GRM8: variants seen among roughly 807,000 people sequenced by gnomAD.
GRM8 encodes glutamate metabotropic receptor 8.
A neutral mutation model predicts 87.2 loss-of-function variants in GRM8; 47 were observed. The ratio of observed to expected loss-of-function variants is 0.54; its 90% CI spans 0.43 to 0.69. GRM8 has a LOEUF of 0.69. Ranked by LOEUF, GRM8 falls within the 30% of genes least tolerant of loss-of-function variation. The probability of loss-of-function intolerance (pLI) is 0.00; values close to 1 mark genes in which losing one functional copy is unlikely to be tolerated. For missense variants in GRM8, 1,019 were observed against 1,139.2 expected, an observed-to-expected ratio of 0.89 and a Z score of 1.52; for synonymous variants, 396 against 404.5, an observed-to-expected ratio of 0.98 and a Z score of 0.25.
At chr7:127,027,122 T>C (rs1472921936) in intron 3 of GRM8, among the ~76,000 whole-genome samples, 1 of 152,128 alleles carries the variant, frequency 6.6e-6, no homozygotes, top group African/African-American at 2.4e-5. Flanking sequence ...TTTCAACAGG[T>C]TTGTCAAAGA....
At chr7:126,989,308 TTTC>T (rs1388732707) in intron 3 of GRM8, among the ~76,000 whole-genome samples, 1 of 152,226 alleles carries the variant, frequency 6.6e-6, no homozygotes, top group Non-Finnish European at 1.5e-5. Context: ...TTTAAACTTT[TTTC>T]TTATCTTTTA....
At chr7:126,940,122 A>C (rs1033743710) in intron 3 of GRM8, among the ~76,000 whole-genome samples, 9 of 152,318 alleles carry the variant, frequency 5.9e-5, no homozygotes, top group African/African-American at 2.2e-4. Flanking sequence ...AACTGAAGGG[A>C]AAATGAGTCT....
chr7:126,878,638 G>A (rs553145583), intron 6 of GRM8, among the ~76,000 whole-genome samples: 218 of 150,958 alleles, frequency 1.4e-3, no homozygotes, highest in Middle Eastern at 3.4e-3. Context: ...TCCAGCCTCA[G>A]CCTCCCAAAT....
At chr7:126,951,432 G>A (rs1808144988) in intron 3 of GRM8, among the ~76,000 whole-genome samples, 1 of 151,920 alleles carries the variant, frequency 6.6e-6, no homozygotes, top group Non-Finnish European at 1.5e-5. Context: ...ATGCCCCTAA[G>A]CAATCAACAA....
intron 8 of GRM8, among the ~76,000 whole-genome samples, chr7:126,605,154 T>C (rs926278854): frequency 3.3e-5 from 5 of 152,138 alleles, no homozygotes; most frequent in Non-Finnish European, 7.4e-5. Flanking sequence ...GAGCAGCATA[T>C]GGCTGTTCTT....
At chr7:126,498,523 A>G (rs1488285570) in intron 9 of GRM8, among the ~76,000 whole-genome samples, 3 of 151,976 alleles carry the variant, frequency 2.0e-5, no homozygotes, top group Admixed American at 2.0e-4. Context: ...CTGGCATACC[A>G]TCATAGACAA....
intron 3 of GRM8, among the ~76,000 whole-genome samples, chr7:127,073,927 C>T (rs1393502128): frequency 2.0e-5 from 3 of 152,168 alleles, no homozygotes; most frequent in African/African-American, 7.2e-5. Context: ...CTTGAAAATC[C>T]TTCTACAGAC....
intron 6 of GRM8, chr7:126,870,463 T>C (rs1798997533): frequency 6.6e-6 from 1 of 152,224 alleles, no homozygotes; most frequent in Non-Finnish European, 1.5e-5. Flanking sequence ...TTAAGCTTCA[T>C]CTTTTCTGGT....
At chr7:127,153,093 T>C (rs1040097525) in intron 2 of GRM8, among the ~76,000 whole-genome samples, 9 of 152,086 alleles carry the variant, frequency 5.9e-5, no homozygotes, top group Non-Finnish European at 1.0e-4. Context: ...ACATAAATGA[T>C]TACACAACCT....
intron 3 of GRM8, among the ~76,000 whole-genome samples, chr7:127,063,341 C>G (rs763034003): frequency 4.6e-5 from 7 of 152,058 alleles, no homozygotes; most frequent in East Asian, 1.9e-4. Flanking sequence ...TTAGGGAGGC[C>G]AAGGTGGGCA....
intron 7 of GRM8, among the ~76,000 whole-genome samples, chr7:126,643,900 G>A (rs535930819): frequency 3.9e-5 from 6 of 152,372 alleles, no homozygotes; most frequent in East Asian, 3.9e-4. Flanking sequence ...ACCGAAGGTC[G>A]TGCAGAATGC....
chr7:126,946,556 G>A (rs1807561057), intron 3 of GRM8, among the ~76,000 whole-genome samples: 2 of 152,110 alleles, frequency 1.3e-5, no homozygotes, highest in Admixed American at 6.5e-5. Context: ...AGAAAGACCA[G>A]GACTTGCCAG....
chr7:126,493,635 A>G (rs781429651), intron 9 of GRM8, among the ~76,000 whole-genome samples: 29 of 151,988 alleles, frequency 1.9e-4, no homozygotes, highest in Admixed American at 5.2e-4. Context: ...CAGCCTCCCT[A>G]AGTAGAACAT....
chr7:126,874,112 T>A (rs1799337433), intron 6 of GRM8, among the ~76,000 whole-genome samples: 1 of 152,082 alleles, frequency 6.6e-6, no homozygotes, highest in African/African-American at 2.4e-5. Flanking sequence ...AGCTTTGCCC[T>A]CTTTCCTGAG....
intron 8 of GRM8, 46 bp downstream of exon 8, chr7:126,609,316 T>A: frequency 6.7e-7 from 1 of 1,493,546 alleles, no homozygotes; most frequent in Non-Finnish European, 9.2e-7. Flanking sequence ...AAAGCATCCC[T>A]CCTGGAGAGC....
At chr7:126,719,426 T>C (rs948154403) in intron 7 of GRM8, among the ~76,000 whole-genome samples, 1 of 152,236 alleles carries the variant, frequency 6.6e-6, no homozygotes, top group African/African-American at 2.4e-5. Flanking sequence ...ATAGGAATTC[T>C]GCTGCAATCA....
At chr7:126,521,535 T>C (rs1244387221) in intron 9 of GRM8, among the ~76,000 whole-genome samples, 1 of 152,120 alleles carries the variant, frequency 6.6e-6, no homozygotes, top group East Asian at 1.9e-4. Context: ...GATTACCTTA[T>C]GGACTCAATA....
chr7:126,692,911 A>G (rs1383416998), intron 7 of GRM8, among the ~76,000 whole-genome samples: 6 of 152,208 alleles, frequency 3.9e-5, no homozygotes, highest in Admixed American at 3.9e-4. Flanking sequence ...AGTAGGTTAT[A>G]CTTTATGGGC....
intron 8 of GRM8, among the ~76,000 whole-genome samples, chr7:126,562,243 T>C (rs116964310): frequency 5.9e-5 from 9 of 152,152 alleles, no homozygotes; most frequent in Non-Finnish European, 5.9e-5. Flanking sequence ...GTAGGAGTAT[T>C]TGGGGAAAAC....
Sources: gnomAD v4.1 joint callset for allele counts (sites outside exome capture counted in the v4.1 genomes callset) on GRCh38, gnomAD v4.1.1 for gene constraint, MANE v1.5 for transcripts, NCBI Gene and HGNC (gene_info 2026-07-23, HGNC 2026-07-21) for gene names.